Variants in SYNPO2 observed in about 807,000 individuals in gnomAD.
SYNPO2 encodes the protein synaptopodin 2, also known as synaptopodin-2.
SYNPO2 carries 56 observed loss-of-function variants against 85.0 expected under a neutral mutation model. The ratio of observed to expected loss-of-function variants is 0.66; its 90% CI spans 0.53 to 0.82. The LOEUF is 0.82. Among genes scored for constraint, SYNPO2 ranks in the 40% least tolerant of loss-of-function variants. The probability of loss-of-function intolerance (pLI) is 0.00; values close to 1 mark genes in which losing one functional copy is unlikely to be tolerated. For missense variants in SYNPO2, 1,575 were observed against 1,534.2 expected (o/e 1.03, Z -0.44); for synonymous variants, 602 against 591.1 (o/e 1.02, Z -0.27).
intron 1 of SYNPO2, among the ~76,000 whole-genome samples, chr4:118,994,433 G>C (rs1736515449): frequency 6.6e-6 from 1 of 152,198 alleles, no homozygotes; most frequent in Non-Finnish European, 1.5e-5. Context: ...GTTATTAGTT[G>C]AGCCCTGTTT....
intron 1 of SYNPO2, among the ~76,000 whole-genome samples, chr4:119,007,080 C>T (rs538554105): frequency 1.3e-5 from 2 of 150,350 alleles, no homozygotes; most frequent in African/African-American, 4.9e-5. Context: ...TGATCTCTAA[C>T]TTCAAGAGGC....
chr4:119,035,501 G>C (rs1358989000), intron 4 of SYNPO2: 2 of 985,260 alleles, frequency 2.0e-6, no homozygotes, highest in South Asian at 9.4e-5. Context: ...TGTTAGGAAC[G>C]TGTTTTGTAA....
intron 1 of SYNPO2, among the ~76,000 whole-genome samples, chr4:118,944,867 A>G (rs936132956): frequency 3.3e-5 from 5 of 152,176 alleles, no homozygotes; most frequent in South Asian, 2.1e-4. Flanking sequence ...TATACCATCA[A>G]TCAGGAGCTA....
chr4:118,995,903 T>TATC (rs35636913), intron 1 of SYNPO2, among the ~76,000 whole-genome samples: 1 of 146,414 alleles, frequency 6.8e-6, no homozygotes, highest in African/African-American at 2.5e-5. Context: ...TCTATCTATC[T>TATC]ATCATCTATC....
chr4:118,981,211 G>A (rs529661989), intron 1 of SYNPO2, among the ~76,000 whole-genome samples: 132 of 152,314 alleles, frequency 8.7e-4, no homozygotes, highest in African/African-American at 2.9e-3. Flanking sequence ...ACAGCACAGC[G>A]TGTGTTTTTA....
At chr4:119,001,451 C>A (rs966218752) in intron 1 of SYNPO2, among the ~76,000 whole-genome samples, 2 of 152,200 alleles carry the variant, frequency 1.3e-5, no homozygotes, top group South Asian at 4.1e-4. Flanking sequence ...AGCTATTTAA[C>A]CCTTCATGTC....
chr4:119,011,066 A>G (rs1214299672), intron 1 of SYNPO2, among the ~76,000 whole-genome samples: 1 of 152,202 alleles, frequency 6.6e-6, no homozygotes, highest in Non-Finnish European at 1.5e-5. Flanking sequence ...AGGGAGCATG[A>G]CTGGCTTTAA....
chr4:118,858,143 T>C (rs17259284), intron 1 of SYNPO2, among the ~76,000 whole-genome samples: 6,267 of 152,260 alleles, frequency 0.041, 199 homozygotes, highest in Non-Finnish European at 0.064. Flanking sequence ...ATGGTGACAC[T>C]GCCTGGCCCT....
intron 1 of SYNPO2, among the ~76,000 whole-genome samples, chr4:118,978,402 A>G (rs1260193988): frequency 2.0e-5 from 3 of 152,358 alleles, no homozygotes; most frequent in South Asian, 2.1e-4. Flanking sequence ...TCCCTAGCAT[A>G]GTAAAAAGTG....
In SYNPO2 at chr4:119,030,474, C is replaced by A. The variant is rs1419568034; in HGVS notation, c.1699C>A (p.Gln567Lys). Residue 567 changes from glutamine to lysine, a missense_variant, in exon 4 of 5, where the codon CAG becomes AAG. By Grantham distance (53) the Gln-to-Lys change is moderately conservative. Transcript: ENST00000307142. ...VSHGLGHVPQ[Q>K]NGFSGTSETA... ...TCATGGTCTTGGCCATGTTCCCCAA[C>A]AGAATGGCTTCAGTGGGACATCTGA... 1.2e-6 allele frequency: 2 copies of A among 1,614,096 alleles called. No homozygotes were observed. Among genetic ancestry groups the A allele is most frequent in the Admixed American group, 3.3e-5 (2 of 60,022 alleles).
chr4:118,974,275 A>G (rs1453023578), intron 1 of SYNPO2, among the ~76,000 whole-genome samples: 1 of 152,246 alleles, frequency 6.6e-6, no homozygotes, highest in African/African-American at 2.4e-5. Context: ...CAGGCCTTAG[A>G]GATTCCATAC....
intron 1 of SYNPO2, among the ~76,000 whole-genome samples, chr4:118,936,190 G>A (rs914959029): frequency 2.0e-5 from 3 of 152,240 alleles, no homozygotes; most frequent in South Asian, 2.1e-4. Flanking sequence ...GCCATATAAC[G>A]TAGGTGTGTA....
intron 1 of SYNPO2, among the ~76,000 whole-genome samples, chr4:118,969,571 T>G (rs899361036): frequency 2.6e-5 from 4 of 152,208 alleles, no homozygotes; most frequent in Non-Finnish European, 5.9e-5. Context: ...TAATGTTCAC[T>G]GGCATATTCC....
At chr4:118,954,730 T>C (rs1734813104) in intron 1 of SYNPO2, among the ~76,000 whole-genome samples, 1 of 152,210 alleles carries the variant, frequency 6.6e-6, no homozygotes, top group Non-Finnish European at 1.5e-5. Context: ...TCTCTCTCTC[T>C]TTCTGTCTAT....
At chr4:118,929,079 A>G (rs1337065945) in intron 1 of SYNPO2, among the ~76,000 whole-genome samples, 1 of 148,566 alleles carries the variant, frequency 6.7e-6, no homozygotes, top group Non-Finnish European at 1.5e-5. Flanking sequence ...CCACATAAAG[A>G]AAAAAAAAAG....
chr4:119,019,759 G>T (rs542294273), intron 1 of SYNPO2, among the ~76,000 whole-genome samples: 1 of 152,242 alleles, frequency 6.6e-6, no homozygotes, highest in Admixed American at 6.5e-5. Context: ...GGTTTAGACA[G>T]GTAGTAAGCA....
chr4:118,861,554 T>G (rs1027127763), intron 1 of SYNPO2, among the ~76,000 whole-genome samples: 3 of 152,356 alleles, frequency 2.0e-5, no homozygotes, highest in Admixed American at 6.5e-5. Context: ...TTCTTTCTTC[T>G]GCATATGGAT....
chr4:118,977,127 C>T (rs11098469), intron 1 of SYNPO2, among the ~76,000 whole-genome samples: 113,273 of 151,558 alleles, frequency 0.75, 42,444 homozygotes, highest in Middle Eastern at 0.84. Flanking sequence ...AGGCTCGGGC[C>T]GCACAGGAGC....
At chr4:118,998,246 A>G (rs1039844317) in intron 1 of SYNPO2, among the ~76,000 whole-genome samples, 4 of 152,210 alleles carry the variant, frequency 2.6e-5, no homozygotes, top group African/African-American at 9.6e-5. Flanking sequence ...GTTTGAAAGT[A>G]TGAATTTAAG....
Sources: gnomAD v4.1 joint callset for allele counts (sites outside exome capture counted in the v4.1 genomes callset) on GRCh38, gnomAD v4.1.1 for gene constraint, MANE v1.5 for transcripts, NCBI Gene and HGNC (gene_info 2026-07-23, HGNC 2026-07-21) for gene names.